Variants in BMERB1 observed in about 807,000 individuals in gnomAD.
BMERB1 encodes bMERB domain-containing protein 1.
A neutral mutation model predicts 23.6 loss-of-function variants in BMERB1; 12 were observed. That is an observed-to-expected ratio of 0.51 (90% confidence interval 0.33 to 0.82). The LOEUF is 0.82. Among genes scored for constraint, BMERB1 ranks in the 40% least tolerant of loss-of-function variants. The pLI is 0.03. For synonymous variants in BMERB1, 122 were observed against 96.6 expected (o/e 1.26, Z -1.54); for missense variants, 247 against 255.4 (o/e 0.97, Z 0.22).
intron 3 of BMERB1, among the ~76,000 whole-genome samples, chr16:15,578,175 G>C (rs1020170788): frequency 2.0e-5 from 3 of 151,258 alleles, no homozygotes; most frequent in African/African-American, 7.3e-5. Context: ...TTCAATCTCT[G>C]CCTCCATCTT....
At chr16:15,455,113 C>T (rs998973721) in intron 1 of BMERB1, among the ~76,000 whole-genome samples, 6 of 151,868 alleles carry the variant, frequency 4.0e-5, no homozygotes, top group Non-Finnish European at 8.8e-5. Context: ...AGGCAGGTGA[C>T]CTGAGGTCAG....
At chr16:15,585,526 G>A (rs1020724325) in intron 5 of BMERB1, among the ~76,000 whole-genome samples, 2 of 151,980 alleles carry the variant, frequency 1.3e-5, no homozygotes, top group African/African-American at 4.8e-5. Context: ...TTGAAGATGA[G>A]CCCTCAATAA....
chr16:15,480,859 A>G (rs1247729219), intron 1 of BMERB1, among the ~76,000 whole-genome samples: 1 of 150,908 alleles, frequency 6.6e-6, no homozygotes, highest in East Asian at 2.0e-4. Context: ...AGATCCACTG[A>G]CATCGGCCTC....
intron 1 of BMERB1, among the ~76,000 whole-genome samples, chr16:15,497,747 CAAT>C (rs768457375): frequency 4.5e-4 from 68 of 152,170 alleles, no homozygotes; most frequent in Middle Eastern, 3.2e-3. Flanking sequence ...TCAACAGGAA[CAAT>C]GATGATCTGC....
At chr16:15,521,651 C>A (rs1262251037) in intron 2 of BMERB1, among the ~76,000 whole-genome samples, 1 of 152,154 alleles carries the variant, frequency 6.6e-6, no homozygotes, top group Non-Finnish European at 1.5e-5. Flanking sequence ...CCCTTGCTGA[C>A]TTCCCTTTGC....
At chr16:15,539,812 C>A (rs538148204) in intron 2 of BMERB1, among the ~76,000 whole-genome samples, 51 of 150,506 alleles carry the variant, frequency 3.4e-4, no homozygotes, top group East Asian at 1.4e-3. Flanking sequence ...CACTGCACTC[C>A]AGCCTGGTGA....
At chr16:15,509,359 GCTGGGTT>G (rs1299497506) in intron 1 of BMERB1, among the ~76,000 whole-genome samples, 1 of 151,328 alleles carries the variant, frequency 6.6e-6, no homozygotes, top group Non-Finnish European at 1.5e-5. Flanking sequence ...GAGAGCACAA[GCTGGGTT>G]TGAATACTAT....
At chr16:15,465,294 G>A (rs916556490) in intron 1 of BMERB1, among the ~76,000 whole-genome samples, 9 of 151,280 alleles carry the variant, frequency 5.9e-5, no homozygotes, top group South Asian at 2.1e-4. Flanking sequence ...CAACAAAACC[G>A]ACCCCAAACA....
At chr16:15,440,409 C>G (rs1567446418) in intron 1 of BMERB1, among the ~76,000 whole-genome samples, 3 of 152,062 alleles carry the variant, frequency 2.0e-5, no homozygotes, top group Admixed American at 1.3e-4. Flanking sequence ...TACTGACTAA[C>G]AAGCAGATCG....
At chr16:15,543,886 G>T (rs1468228607) in intron 2 of BMERB1, among the ~76,000 whole-genome samples, 1 of 152,166 alleles carries the variant, frequency 6.6e-6, no homozygotes, top group Non-Finnish European at 1.5e-5. Flanking sequence ...AGAGTCTTTT[G>T]TTATGATTCT....
At chr16:15,529,217 A>C (rs1047094066) in intron 2 of BMERB1, among the ~76,000 whole-genome samples, 4 of 151,982 alleles carry the variant, frequency 2.6e-5, no homozygotes, top group African/African-American at 9.7e-5. Flanking sequence ...TGGTAGAGAC[A>C]GGGTTTCACC....
At chr16:15,496,848 A>AT (rs1307071548) in intron 1 of BMERB1, among the ~76,000 whole-genome samples, 1 of 152,116 alleles carries the variant, frequency 6.6e-6, no homozygotes, top group African/African-American at 2.4e-5. Flanking sequence ...CACAAGGGAA[A>AT]TTTTTTAAAG....
At chr16:15,462,815 A>T (rs1255710753) in intron 1 of BMERB1, among the ~76,000 whole-genome samples, 1 of 152,198 alleles carries the variant, frequency 6.6e-6, no homozygotes, top group Non-Finnish European at 1.5e-5. Context: ...TGTCAGGTAC[A>T]GTGACTCAGG....
At chr16:15,584,188 A>G (rs2031084524) in intron 5 of BMERB1, 1 of 591,954 alleles carries the variant, frequency 1.7e-6, no homozygotes, top group Admixed American at 2.8e-5. Flanking sequence ...CTGTCAAGAA[A>G]CTGTCTTTTC....
chr16:15,483,610 C>G (rs2051342700), intron 1 of BMERB1, among the ~76,000 whole-genome samples: 5 of 152,114 alleles, frequency 3.3e-5, no homozygotes, highest in African/African-American at 4.8e-5. Context: ...GAACTCTTGA[C>G]CTCAGGTGAT....
intron 1 of BMERB1, among the ~76,000 whole-genome samples, chr16:15,479,656 A>G (rs2051302957): frequency 6.6e-6 from 1 of 152,208 alleles, no homozygotes; most frequent in Non-Finnish European, 1.5e-5. Context: ...ATCTAGCCAG[A>G]CATTGAAACG....
At chr16:15,451,668 C>T (rs1027397746) in intron 1 of BMERB1, among the ~76,000 whole-genome samples, 3 of 148,642 alleles carry the variant, frequency 2.0e-5, no homozygotes, top group African/African-American at 7.4e-5. Context: ...AAGCGATTCT[C>T]CCACCTCAGT....
chr16:15,571,791 A>G (rs2150973535), intron 3 of BMERB1, among the ~76,000 whole-genome samples: 1 of 152,176 alleles, frequency 6.6e-6, no homozygotes, highest in South Asian at 2.1e-4. Context: ...CAAGACTATA[A>G]ATCATCGTCC....
intron 1 of BMERB1, among the ~76,000 whole-genome samples, chr16:15,464,291 C>T (rs570868289): frequency 1.5e-5 from 2 of 136,682 alleles, no homozygotes; most frequent in Admixed American, 8.1e-5. Context: ...TCAGTCTGGG[C>T]GACAGAGTGA....
Sources: allele counts gnomAD v4.1 joint callset (sites outside exome capture counted in the v4.1 genomes callset), GRCh38; gene constraint gnomAD v4.1.1; transcripts MANE v1.5; gene names NCBI Gene and HGNC (gene_info 2026-07-23, HGNC 2026-07-21).